Variants in RIMS1 observed in about 807,000 individuals in gnomAD.
The protein encoded by RIMS1 is regulating synaptic membrane exocytosis 1, also known as regulating synaptic membrane exocytosis protein 1.
RIMS1 carries 83 observed loss-of-function variants against 214.1 expected under a neutral mutation model. The ratio of observed to expected loss-of-function variants is 0.39; its 90% confidence interval spans 0.32 to 0.47. The LOEUF is 0.47. Ranked by LOEUF, RIMS1 falls within the 20% of genes least tolerant of loss-of-function variation. RIMS1 has a pLI of 0.99. For missense variants in RIMS1, 2,050 were observed against 2,161.8 expected, an observed-to-expected ratio of 0.95 and a Z score of 1.03; for synonymous variants, 793 against 786.8, an observed-to-expected ratio of 1.01 and a Z score of -0.13.
At chr6:72,258,636 A>G (rs1370906245) in intron 17 of RIMS1, among the ~76,000 whole-genome samples, 1 of 152,164 alleles carries the variant, frequency 6.6e-6, no homozygotes, top group Non-Finnish European at 1.5e-5. Context: ...TGGACTTTGA[A>G]GAGATTTAGG....
chr6:72,123,308 C>A (rs1197813715), intron 4 of RIMS1, among the ~76,000 whole-genome samples: 1 of 151,794 alleles, frequency 6.6e-6, no homozygotes. Context: ...ATCCTGAGTT[C>A]TAGTTTGATT....
chr6:72,325,146 AT>A (rs1439269349), intron 28 of RIMS1, among the ~76,000 whole-genome samples: 3 of 151,848 alleles, frequency 2.0e-5, no homozygotes, highest in Admixed American at 6.6e-5. Context: ...CCTAAGGAAC[AT>A]TTTGAAACTC....
intron 2 of RIMS1, among the ~76,000 whole-genome samples, chr6:72,007,176 T>C (rs894981161): frequency 4.6e-5 from 7 of 152,222 alleles, no homozygotes; most frequent in Admixed American, 2.6e-4. Context: ...TGATATTCGC[T>C]GTTCTGCAGC....
At chr6:72,099,826 C>A in intron 3 of RIMS1, 149 bp from the exon 4 acceptor site, 1 of 639,794 alleles carries the variant, frequency 1.6e-6, no homozygotes, top group South Asian at 1.9e-5. Context: ...GAAAAGTAAA[C>A]ATTTACTTTT....
rs576831218 is a variant in RIMS1 at position 72,118,375 on chromosome 6, T to A, written c.471+18389T>A. ...AGTAAAAGTCCAGGGCCAGATGGAA[T>A]CACAGCTGAATTCTATCAGGCACTC... On this transcript the variant is annotated intron_variant, in intron 4 of 33. Transcript: ENST00000521978. 6.6e-5 allele frequency among the ~76,000 whole-genome samples: 10 copies of A among 151,406 alleles called. 2 individuals are homozygous for A. Among genetic ancestry groups the A allele is most frequent in the African/African-American group, 2.4e-4 (10 of 41,418 alleles).
chr6:72,242,572 A>G (rs1009035875), intron 10 of RIMS1, 135 bp downstream of exon 10: 8 of 574,030 alleles, frequency 1.4e-5, no homozygotes, highest in African/African-American at 1.2e-4. Context: ...ATACATTTTT[A>G]GATTACTAAA....
At chr6:72,350,744 G>T (rs1340637201) in intron 29 of RIMS1, among the ~76,000 whole-genome samples, 1 of 152,090 alleles carries the variant, frequency 6.6e-6, no homozygotes, top group African/African-American at 2.4e-5. Flanking sequence ...TTATTTACAA[G>T]CTCATTTACT....
intron 1 of RIMS1, 74 bp from the exon 2 acceptor site, chr6:71,968,909 C>A (rs561117244): frequency 4.3e-6 from 6 of 1,395,556 alleles, no homozygotes; most frequent in Non-Finnish European, 5.1e-6. Context: ...TTTTCAGTAC[C>A]GTGTTTAATT....
intron 2 of RIMS1, among the ~76,000 whole-genome samples, chr6:72,067,204 T>C (rs1381835130): frequency 1.3e-5 from 2 of 152,142 alleles, no homozygotes; most frequent in African/African-American, 2.4e-5. Flanking sequence ...TACAGTCAGG[T>C]CTCATCCCAC....
intron 6 of RIMS1, among the ~76,000 whole-genome samples, chr6:72,227,911 G>A (rs2060704477): frequency 6.6e-6 from 1 of 151,902 alleles, no homozygotes; most frequent in African/African-American, 2.4e-5. Flanking sequence ...CTTGGTTTTA[G>A]GATGGAAGCA....
At chr6:71,895,673 CAAAAAAAAAAAAAAA>C (rs70994105) in intron 1 of RIMS1, among the ~76,000 whole-genome samples, 1 of 64,222 alleles carries the variant, frequency 1.6e-5, no homozygotes, top group African/African-American at 6.4e-5. Context: ...GACTCCCTCT[CAAAAAAAAAAAAAAA>C]AAAAAAAAAG....
At chr6:71,917,961 T>A (rs1778922233) in intron 1 of RIMS1, among the ~76,000 whole-genome samples, 2 of 152,002 alleles carry the variant, frequency 1.3e-5, no homozygotes, top group South Asian at 4.1e-4. Context: ...GGAGAGGAGG[T>A]CCAATTGATG....
intron 2 of RIMS1, among the ~76,000 whole-genome samples, chr6:71,982,821 G>T (rs1051453687): frequency 3.3e-5 from 5 of 151,938 alleles, no homozygotes. Flanking sequence ...ACCCAGCTTT[G>T]CTCAGAGCAC....
intron 22 of RIMS1, among the ~76,000 whole-genome samples, chr6:72,271,238 C>T (rs1228347354): frequency 7.0e-6 from 1 of 142,754 alleles, no homozygotes; most frequent in East Asian, 2.0e-4. Context: ...TGCACTCCAG[C>T]CTGGGTGACA....
chr6:71,942,665 T>A (rs762028537), intron 1 of RIMS1, among the ~76,000 whole-genome samples: 69 of 152,088 alleles, frequency 4.5e-4, no homozygotes, highest in Admixed American at 7.9e-4. Context: ...AACCTGTTAC[T>A]ATATTATCAG....
intron 4 of RIMS1, among the ~76,000 whole-genome samples, chr6:72,145,377 G>A (rs1053027086): frequency 2.0e-5 from 3 of 152,148 alleles, no homozygotes; most frequent in Non-Finnish European, 2.9e-5. Context: ...CACTTTGGGA[G>A]GCTGAGGCAG....
chr6:72,071,171 G>A (rs1382395971), intron 2 of RIMS1, among the ~76,000 whole-genome samples: 1 of 152,134 alleles, frequency 6.6e-6, no homozygotes, highest in East Asian at 1.9e-4. Context: ...TGAGGCAGAA[G>A]AATCACGTGA....
chr6:71,897,904 G>A (rs1380681466), intron 1 of RIMS1, among the ~76,000 whole-genome samples: 1 of 152,148 alleles, frequency 6.6e-6, no homozygotes, highest in Non-Finnish European at 1.5e-5. Context: ...ATAAGTAGGA[G>A]GATAGAGTGG....
chr6:72,128,441 T>A (rs1195032483), intron 4 of RIMS1, among the ~76,000 whole-genome samples: 1 of 151,222 alleles, frequency 6.6e-6, no homozygotes, highest in Non-Finnish European at 1.5e-5. Context: ...TTAAAAAAAA[T>A]GTATTTGCCC....
Sources: gnomAD v4.1 joint callset for allele counts (sites outside exome capture counted in the v4.1 genomes callset) on GRCh38, gnomAD v4.1.1 for gene constraint, MANE v1.5 for transcripts, NCBI Gene and HGNC (gene_info 2026-07-23, HGNC 2026-07-21) for gene names.